The following IQCM variants were observed in gnomAD, a reference collection of about 807,000 sequenced individuals.
IQCM encodes IQ domain-containing protein M.
A neutral mutation model predicts 57.6 loss-of-function variants in IQCM; 45 were observed. The ratio of observed to expected loss-of-function variants is 0.78; its 90% CI spans 0.62 to 1.00. IQCM has a LOEUF of 1.00. IQCM is among the 50% of genes least tolerant of loss of function. The pLI is 0.00. For synonymous variants in IQCM, 148 were observed against 158.9 expected (o/e 0.93, Z 0.51); for missense variants, 468 against 511.6 (o/e 0.91, Z 0.82).
At chr4:149,513,746 T>C (rs1744660106) in intron 12 of IQCM, among the ~76,000 whole-genome samples, 1 of 152,102 alleles carries the variant, frequency 6.6e-6, no homozygotes. Flanking sequence ...TAGGTTGAAG[T>C]ATAATCACAA....
intron 9 of IQCM, among the ~76,000 whole-genome samples, chr4:149,564,734 G>T (rs928855677): frequency 5.3e-5 from 8 of 152,038 alleles, no homozygotes; most frequent in Non-Finnish European, 1.2e-4. Flanking sequence ...AATCCGACTG[G>T]CTCTCCTTGC....
chr4:149,636,059 A>G (rs1034945335), intron 7 of IQCM, among the ~76,000 whole-genome samples: 2 of 152,136 alleles, frequency 1.3e-5, no homozygotes, highest in African/African-American at 4.8e-5. Context: ...AGAATGTCAT[A>G]AAAAAAGATC....
chr4:149,378,501 ACT>A (rs1401462398), intron 13 of IQCM, among the ~76,000 whole-genome samples: 2 of 151,980 alleles, frequency 1.3e-5, no homozygotes. Flanking sequence ...AGCAAAGGTG[ACT>A]CATTATATTT....
At chr4:149,544,592 C>A (rs1748191780) in intron 12 of IQCM, among the ~76,000 whole-genome samples, 1 of 151,970 alleles carries the variant, frequency 6.6e-6, no homozygotes, top group Admixed American at 6.6e-5. Flanking sequence ...GCTAAATAAA[C>A]CTTGAGAAAG....
At chr4:149,760,021 A>AGGAAGGGAAG (rs1554036705) in intron 2 of IQCM, among the ~76,000 whole-genome samples, 1 of 67,420 alleles carries the variant, frequency 1.5e-5, no homozygotes, top group East Asian at 7.5e-4. Flanking sequence ...GAAGGAAGGA[A>AGGAAGGGAAG]GGAAGGGAAG....
At chr4:149,526,993 C>T (rs1746224314) in intron 12 of IQCM, among the ~76,000 whole-genome samples, 1 of 152,066 alleles carries the variant, frequency 6.6e-6, no homozygotes, top group South Asian at 2.1e-4. Flanking sequence ...AGGACATTTA[C>T]AGATCAGTAC....
chr4:149,444,368 T>G (rs1424991694), intron 12 of IQCM, among the ~76,000 whole-genome samples: 2 of 151,918 alleles, frequency 1.3e-5, no homozygotes, highest in Non-Finnish European at 2.9e-5. Context: ...GGGAGAAAAG[T>G]GCTGTTTGGG....
chr4:149,770,202 A>C (rs2149985443), intron 2 of IQCM, among the ~76,000 whole-genome samples: 1 of 151,294 alleles, frequency 6.6e-6, no homozygotes, highest in Admixed American at 6.6e-5. Flanking sequence ...ATGTCAAAAA[A>C]ATTCAACAAC....
At chr4:149,742,935 C>T (rs572452260) in intron 2 of IQCM, among the ~76,000 whole-genome samples, 196 bp from the exon 3 acceptor site, 17 of 152,176 alleles carry the variant, frequency 1.1e-4, no homozygotes, top group African/African-American at 2.9e-4. Flanking sequence ...TGCAGTTTAT[C>T]GAGTACTCAT....
At chr4:149,489,875 A>G (rs145655056) in intron 12 of IQCM, among the ~76,000 whole-genome samples, 2 of 152,070 alleles carry the variant, frequency 1.3e-5, no homozygotes, top group African/African-American at 4.8e-5. Context: ...CACAATAAAT[A>G]TATTATTGAG....
chr4:149,595,586 C>A (rs933149926), intron 8 of IQCM, among the ~76,000 whole-genome samples: 1 of 152,136 alleles, frequency 6.6e-6, no homozygotes, highest in African/African-American at 2.4e-5. Flanking sequence ...ATGTCCCTAG[C>A]GCCTTCTGTG....
chr4:149,493,787 TG>T (rs1431678556), intron 12 of IQCM, among the ~76,000 whole-genome samples: 2 of 151,648 alleles, frequency 1.3e-5, no homozygotes, highest in Admixed American at 1.3e-4. Context: ...ATTCAAGTGC[TG>T]TTGCTGCTGC....
intron 12 of IQCM, among the ~76,000 whole-genome samples, chr4:149,489,779 A>C (rs144876282): frequency 6.6e-6 from 1 of 151,484 alleles, no homozygotes; most frequent in Non-Finnish European, 1.5e-5. Flanking sequence ...GTGTGTGTGT[A>C]TATATATACA....
chr4:149,671,761 GTTCA>G (rs1761308520), intron 7 of IQCM, among the ~76,000 whole-genome samples: 2 of 152,260 alleles, frequency 1.3e-5, no homozygotes, highest in Admixed American at 6.5e-5. Context: ...GGAGCAGGTT[GTTCA>G]GTTTCCATGT....
intron 7 of IQCM, among the ~76,000 whole-genome samples, chr4:149,640,703 T>C (rs1758105628): frequency 6.6e-6 from 1 of 152,192 alleles, no homozygotes; most frequent in African/African-American, 2.4e-5. Context: ...TTATCCAACG[T>C]TGTGTTTGTG....
At chr4:149,584,241 TC>T (rs1274804652) in intron 9 of IQCM, among the ~76,000 whole-genome samples, 1 of 151,598 alleles carries the variant, frequency 6.6e-6, no homozygotes, top group Non-Finnish European at 1.5e-5. Context: ...TTAGAATTTC[TC>T]AACCATATTT....
intron 7 of IQCM, among the ~76,000 whole-genome samples, chr4:149,666,888 C>G (rs1579921514): frequency 6.6e-6 from 1 of 152,112 alleles, no homozygotes; most frequent in African/African-American, 2.4e-5. Flanking sequence ...TTCCTCCTCC[C>G]TGGGCAGGGC....
chr4:149,630,381 G>T (rs1757159606), intron 7 of IQCM, among the ~76,000 whole-genome samples: 1 of 152,114 alleles, frequency 6.6e-6, no homozygotes. Flanking sequence ...ACAAATGATT[G>T]TTATGGTGAA....
At chr4:149,458,955 C>T (rs545676683) in intron 12 of IQCM, among the ~76,000 whole-genome samples, 2 of 152,192 alleles carry the variant, frequency 1.3e-5, no homozygotes, top group Middle Eastern at 3.4e-3. Context: ...GAAGTCATAA[C>T]AATAAAGCTA....
Sources: gnomAD v4.1 joint callset for allele counts (sites outside exome capture counted in the v4.1 genomes callset) on GRCh38, gnomAD v4.1.1 for gene constraint, MANE v1.5 for transcripts, NCBI Gene and HGNC (gene_info 2026-07-23, HGNC 2026-07-21) for gene names.